PREPL: variants seen among roughly 807,000 people sequenced by gnomAD.
The protein encoded by PREPL is prolyl endopeptidase like.
PREPL carries 77 observed loss-of-function variants against 70.6 expected under a neutral mutation model. The observed-to-expected ratio is 1.09, with a 90% confidence interval of 0.91 to 1.32. PREPL has a LOEUF of 1.32. Ranked by LOEUF, PREPL falls within the 40% of genes most tolerant of loss-of-function variation. PREPL has a pLI of 0.00. For synonymous variants in PREPL, 315 were observed against 264.8 expected (o/e 1.19, Z -1.84); for missense variants, 1,002 against 778.2 (o/e 1.29, Z -3.42).
chr2:44,322,153 G>A (rs1370284198), intron 12 of PREPL, among the ~76,000 whole-genome samples: 1 of 152,168 alleles, frequency 6.6e-6, no homozygotes, highest in Non-Finnish European at 1.5e-5. Flanking sequence ...TTGAAACCCA[G>A]GAGATCATCA....
intron 7 of PREPL, among the ~76,000 whole-genome samples, chr2:44,336,088 G>C (rs543633960): frequency 2.9e-4 from 44 of 152,220 alleles, no homozygotes; most frequent in Non-Finnish European, 3.8e-4. Flanking sequence ...AAAAGGGAAA[G>C]CTTATACACT....
chr2:44,338,689 A>G (rs933481573), intron 6 of PREPL, among the ~76,000 whole-genome samples, 153 bp from the exon 7 acceptor site: 2 of 152,180 alleles, frequency 1.3e-5, no homozygotes, highest in Non-Finnish European at 2.9e-5. Context: ...AAGTGTGACC[A>G]TCAACCATAT....
intron 10 of PREPL, 118 bp from the exon 11 acceptor site, chr2:44,323,529 T>C: frequency 2.5e-6 from 2 of 785,684 alleles, no homozygotes; most frequent in Non-Finnish European, 1.9e-6. Context: ...TCAAGCCATG[T>C]AGATTCCTAG....
chr2:44,339,867 T>C (rs17032145), intron 5 of PREPL, among the ~76,000 whole-genome samples: 11,554 of 152,200 alleles, frequency 0.076, 554 homozygotes, highest in South Asian at 0.14. Flanking sequence ...CTGCATGCAT[T>C]TTGGATTTTT....
chr2:44,340,757 G>C (rs762208186), intron 5 of PREPL, among the ~76,000 whole-genome samples: 7 of 151,934 alleles, frequency 4.6e-5, no homozygotes, highest in Middle Eastern at 3.4e-3. Flanking sequence ...GTGAAACCCC[G>C]TCTCCACAAA....
chr2:44,321,079 TCTG>T lies in PREPL; in HGVS notation c.*274_*276del. On this transcript the variant is annotated 3_prime_UTR_variant, in exon 14 of 14. Coordinates refer to ENST00000409411, the MANE Select transcript of PREPL (RefSeq NM_001171613.2). ...TCTGACTGGAAGGGAGGCCTGGAGC[TCTG>T]CTATCACCAATCCTTCCCTTCCCTC... 9.3e-6 allele frequency: 4 copies of T among 429,164 alleles called. No individual in the cohort carries two copies. The South Asian group carries it at 1.1e-4, about 12-fold the overall frequency. 26.6% of individuals were successfully genotyped at this position (429,164 alleles called of 1,614,324 possible). A position where few individuals can be genotyped will look rare whatever the true frequency, so the allele number is the denominator to read the frequency against.
intron 3 of PREPL, 84 bp downstream of exon 3, chr2:44,344,436 C>A: frequency 9.8e-7 from 1 of 1,020,610 alleles, no homozygotes; most frequent in South Asian, 2.0e-5. Flanking sequence ...AATCTTTTCT[C>A]TATCTTTGAG....
chr2:44,346,222 A>T (rs1355116535), intron 2 of PREPL, 46 bp downstream of exon 2: 2 of 1,528,398 alleles, frequency 1.3e-6, no homozygotes, highest in Admixed American at 3.5e-5. Flanking sequence ...TTGCATCTTG[A>T]TTGGTAATAT....
rs749375759 is a variant in PREPL at position 44,343,740 on chromosome 2, C to A, written c.349+5G>T. 6.2e-7 allele frequency: 1 copy of A among 1,611,188 alleles called. No homozygotes were observed. Among genetic ancestry groups the A allele is most frequent in the Non-Finnish European group, 8.5e-7 (1 of 1,177,562 alleles). Reference sequence around the variant, plus strand: ...CACAGAGGACTATTTTGGTTGGTGGCTTACCAAAACTGGACACATTCGGGA... The same window carrying A: ...CACAGAGGACTATTTTGGTTGGTGGATTACCAAAACTGGACACATTCGGGA... On this transcript the variant is annotated splice_donor_5th_base_variant and intron_variant, in intron 4 of 13. Transcript: ENST00000409411.
chr2:44,332,198 G>A (rs537060760), intron 8 of PREPL, among the ~76,000 whole-genome samples: 40 of 151,708 alleles, frequency 2.6e-4, no homozygotes, highest in African/African-American at 9.2e-4. Flanking sequence ...CACCCGCCTC[G>A]GCCTCCCAAA....
In PREPL at chr2:44,342,549, C is replaced by T. The variant is rs1675338323; in HGVS notation, c.353G>A (p.Trp118Ter). ...ASFPNVSSFE[W>*]VKDEEDEDVL... is the part of the protein sequence containing the mutation. Reference sequence around the variant, plus strand: ...ATCTTCATCTTCCTCGTCCTTTACCCATTCTGAAAGAAAATAATGAGATAA... The same window carrying T: ...ATCTTCATCTTCCTCGTCCTTTACCTATTCTGAAAGAAAATAATGAGATAA... Residue 118 changes from tryptophan to a stop codon, truncating the protein, a stop_gained, in exon 5 of 14, where the codon TGG becomes TAG. Coordinates refer to ENST00000409411, the MANE Select transcript of PREPL (RefSeq NM_001171613.2). LOFTEE classifies it high-confidence loss of function. The T allele has an allele frequency of 6.5e-7, 1 of 1,541,026 alleles. No homozygotes were observed.
chr2:44,355,947 T>C (rs1416892620), intron 1 of PREPL, among the ~76,000 whole-genome samples: 1 of 152,138 alleles, frequency 6.6e-6, no homozygotes, highest in Non-Finnish European at 1.5e-5. Context: ...TTGGGAATTA[T>C]TTTTTAGGCA....
intron 8 of PREPL, among the ~76,000 whole-genome samples, chr2:44,329,923 C>A (rs1436066560): frequency 1.3e-5 from 2 of 152,280 alleles, no homozygotes; most frequent in East Asian, 3.9e-4. Flanking sequence ...TGAAATAGCA[C>A]CGTTTACATA....
In PREPL at chr2:44,320,784, T is replaced by C. The variant is rs1402056236; in HGVS notation, c.*572A>G. 2 of 712,498 alleles carry C rather than the reference T, an allele frequency of 2.8e-6. No homozygotes were observed. Among genetic ancestry groups the C allele is most frequent in the Non-Finnish European group, 4.8e-6 (2 of 415,462 alleles). The allele number at this position is 712,498 out of a possible 1,614,324, so 44.1% of individuals were successfully genotyped here. A position where few individuals can be genotyped will look rare whatever the true frequency, so the allele number is the denominator to read the frequency against. ...TTGAATGTAACTGCTTTAAGAAAGG[T>C]TCTCAAATGTTTTGAAAAAAATAAA... On this transcript the variant is annotated 3_prime_UTR_variant, in exon 14 of 14. Transcript: ENST00000409411.
chr2:44,342,600 TAA>T (rs11421998), intron 4 of PREPL, 48 bp from the exon 5 acceptor site: 13,714 of 934,026 alleles, frequency 0.015, no homozygotes, highest in East Asian at 0.029. Flanking sequence ...TACACTCCAT[TAA>T]AAAAAAAAAA....
Position 44,326,401 on chromosome 2 carries a change from T to C in PREPL, c.1479+311A>G, listed in dbSNP as rs538095952. ...TTCTTTCCTTTTTTTTTTTTTTTTT[T>C]GACAATGTCTCACTCTGTTGCCCAG... On this transcript the variant is annotated intron_variant, in intron 10 of 13. Transcript: ENST00000409411. 2.5e-3 allele frequency among the ~76,000 whole-genome samples: 369 copies of C among 148,596 alleles called. 6 individuals carry two copies. The highest frequency in any genetic ancestry group is 5.2e-3 in the East Asian group (27 of 5,174).
At chr2:44,344,444 G>T in intron 3 of PREPL, 76 bp downstream of exon 3, 2 of 1,095,464 alleles carry the variant, frequency 1.8e-6, no homozygotes, top group South Asian at 1.8e-5. Context: ...CTCTATCTTT[G>T]AGAAATTAAT....
intron 4 of PREPL, 63 bp from the exon 5 acceptor site, chr2:44,342,615 AGCACAGC>A: frequency 8.0e-7 from 1 of 1,247,956 alleles, no homozygotes; most frequent in Non-Finnish European, 1.1e-6. Flanking sequence ...AAAAAAAAAA[AGCACAGC>A]ACATTCTAAT....
In PREPL at chr2:44,318,923, A is replaced by T. The variant is rs1239348983; in HGVS notation, c.*2433T>A. 1.3e-5 allele frequency: 2 copies of T among 152,216 alleles called. No individual in the cohort carries two copies. The highest frequency in any genetic ancestry group is 3.2e-3 in the Middle Eastern group (1 of 316). 9.4% of individuals were successfully genotyped at this position (152,216 alleles called of 1,614,324 possible). ...ATAGAAAATACTCAAATGCAAAATC[A>T]ACAAATCTGCAATTACAGAAAAAGA... On this transcript the variant is annotated 3_prime_UTR_variant, in exon 14 of 14. Transcript: ENST00000409411.
Sources: allele counts gnomAD v4.1 joint callset (sites outside exome capture counted in the v4.1 genomes callset), GRCh38; gene constraint gnomAD v4.1.1; transcripts MANE v1.5; gene names NCBI Gene and HGNC (gene_info 2026-07-23, HGNC 2026-07-21).